Variants in PDYN observed in about 807,000 individuals in gnomAD.
PDYN encodes proenkephalin-B.
PDYN carries 5 observed loss-of-function variants against 11.4 expected under a neutral mutation model. The ratio of observed to expected loss-of-function variants is 0.44; its 90% CI spans 0.23 to 0.92. The LOEUF (loss-of-function observed/expected upper bound fraction) is 0.92. Among genes scored for constraint, PDYN ranks in the 40% least tolerant of loss-of-function variants. The pLI, the probability that PDYN is intolerant of heterozygous loss-of-function variation, is 0.24. For synonymous variants in PDYN, 132 were observed against 129.5 expected (o/e 1.02, Z -0.13); for missense variants, 337 against 317.3 (o/e 1.06, Z -0.47).
intron 2 of PDYN, among the ~76,000 whole-genome samples, chr20:1,989,229 G>A: frequency 6.6e-6 from 1 of 152,170 alleles, no homozygotes; most frequent in Non-Finnish European, 1.5e-5. Context: ...TTTCCTGATG[G>A]AAGAGGCAGG....
chr20:1,992,456 C>T (rs1341960806), intron 2 of PDYN, 128 bp downstream of exon 2: 2 of 152,384 alleles, frequency 1.3e-5, no homozygotes, highest in Non-Finnish European at 2.9e-5. Flanking sequence ...GTGACATCCC[C>T]CTCCCAGCTG....
intron 3 of PDYN, among the ~76,000 whole-genome samples, chr20:1,981,454 T>C (rs942676568): frequency 6.6e-6 from 1 of 152,072 alleles, no homozygotes; most frequent in African/African-American, 2.4e-5. Context: ...CATCACTTCA[T>C]AGGGCCATTG....
In PDYN at chr20:1,979,945, T is replaced by C. The variant is rs1259901450; in HGVS notation, c.*378A>G. ...AGAGGGGCATGTGATCTGTTAAGTT[T>C]GGACATCATAGACCTACAGGTACAA... On this transcript the variant is annotated 3_prime_UTR_variant, in exon 4 of 4. Transcript: ENST00000217305. 1 of 328,642 alleles carries C rather than the reference T, an allele frequency of 3.0e-6. No individual in the cohort carries two copies. The highest frequency in any genetic ancestry group is 5.8e-6 in the Non-Finnish European group (1 of 171,300). 20.4% of individuals were successfully genotyped at this position (328,642 alleles called of 1,614,324 possible).
intron 2 of PDYN, among the ~76,000 whole-genome samples, chr20:1,984,844 A>G (rs1362301847): frequency 6.6e-6 from 1 of 152,216 alleles, no homozygotes; most frequent in East Asian, 1.9e-4. Flanking sequence ...GGTTGCAGTG[A>G]GCAGAGATTG....
intron 3 of PDYN, among the ~76,000 whole-genome samples, chr20:1,982,695 C>T (rs1987900887): frequency 6.6e-6 from 1 of 152,194 alleles, no homozygotes; most frequent in Admixed American, 6.5e-5. Flanking sequence ...AATGACACTC[C>T]CTGTTGCCAG....
chr20:1,989,292 C>G (rs1988330004), intron 2 of PDYN, among the ~76,000 whole-genome samples: 1 of 152,150 alleles, frequency 6.6e-6, no homozygotes, highest in South Asian at 2.1e-4. Context: ...GCCTGGACTG[C>G]TCTCCTGGCA....
At chr20:1,990,489 T>C (rs994078806) in intron 2 of PDYN, among the ~76,000 whole-genome samples, 1 of 152,134 alleles carries the variant, frequency 6.6e-6, no homozygotes, top group African/African-American at 2.4e-5. Flanking sequence ...GAAAGACGAA[T>C]GATCAATGGG....
In PDYN at chr20:1,979,704, C is replaced by T. The variant is rs1297494263; in HGVS notation, c.*619G>A. ...CATTAAACCCACTAGAAGACTGGAC[C>T]CTCTACTGTAAGGGTTCCTGATCCA... On this transcript the variant is annotated 3_prime_UTR_variant, in exon 4 of 4. Coordinates refer to ENST00000217305, the MANE Select transcript of PDYN (RefSeq NM_024411.5). 1 of 161,412 alleles carries T rather than the reference C, an allele frequency of 6.2e-6. No individual in the cohort carries two copies. The highest frequency in any genetic ancestry group is 1.4e-5 in the Non-Finnish European group (1 of 72,782). The allele number at this position is 161,412 out of a possible 1,614,324, so 10.0% of individuals were successfully genotyped here.
At chr20:1,993,475 CATT>C (rs1403396507) in intron 1 of PDYN, among the ~76,000 whole-genome samples, 1 of 152,226 alleles carries the variant, frequency 6.6e-6, no homozygotes, top group Admixed American at 6.5e-5. Flanking sequence ...CCTTGGATCT[CATT>C]AATGTCCTCA....
At chr20:1,990,014 G>A (rs1435383606) in intron 2 of PDYN, among the ~76,000 whole-genome samples, 1 of 152,244 alleles carries the variant, frequency 6.6e-6, no homozygotes, top group Admixed American at 6.5e-5. Context: ...CGTGGTCACA[G>A]AGCATGGCAG....
chr20:1,990,588 TG>T (rs1259646060), intron 2 of PDYN, among the ~76,000 whole-genome samples: 2 of 152,126 alleles, frequency 1.3e-5, no homozygotes, highest in Non-Finnish European at 2.9e-5. Flanking sequence ...TCCCGTTTGG[TG>T]GTCGGCTGCA....
chr20:1,980,284 CAG>C lies in PDYN; in HGVS notation c.*37_*38del. On this transcript the variant is annotated 3_prime_UTR_variant, in exon 4 of 4. Coordinates refer to ENST00000217305, the MANE Select transcript of PDYN (RefSeq NM_024411.5). ...AATGCACTCCAACCTGAAAAGGTGT[CAG>C]GGGTTTCTCCTGACTCTACTCCATG... 6.2e-7 allele frequency: 1 copy of C among 1,608,296 alleles called. No homozygotes were observed. The highest frequency in any genetic ancestry group is 8.5e-7 in the Non-Finnish European group (1 of 1,175,110).
chr20:1,984,176 C>T (rs73571366), intron 2 of PDYN, among the ~76,000 whole-genome samples: 7,861 of 152,264 alleles, frequency 0.052, 589 homozygotes, highest in African/African-American at 0.17. Flanking sequence ...AATAGTCACT[C>T]TGTTCCTCAA....
intron 2 of PDYN, among the ~76,000 whole-genome samples, chr20:1,990,916 G>T (rs554552949): frequency 6.6e-6 from 1 of 151,406 alleles, no homozygotes; most frequent in East Asian, 1.9e-4. Flanking sequence ...CCGAGACACC[G>T]AGAAAAAGCA....
At chr20:1,982,068 C>T (rs1336178800) in intron 3 of PDYN, among the ~76,000 whole-genome samples, 1 of 151,618 alleles carries the variant, frequency 6.6e-6, no homozygotes, top group Non-Finnish European at 1.5e-5. Context: ...ACCAGCCTGG[C>T]CAGCATGGTG....
At chr20:1,989,883 C>T (rs928121003) in intron 2 of PDYN, among the ~76,000 whole-genome samples, 1 of 152,174 alleles carries the variant, frequency 6.6e-6, no homozygotes, top group Non-Finnish European at 1.5e-5. Context: ...AGGACTGAGA[C>T]GCTGTTCTGC....
rs201204862 is a variant in PDYN, at chr20:1,980,397, G to A, written c.691C>T (p.Arg231Trp). Residue 231 changes from arginine (R) to tryptophan (W), a missense_variant, in exon 4 of 4, where the codon CGG (arginine) becomes TGG (tryptophan). Coordinates refer to ENST00000217305, the MANE Select transcript of PDYN (RefSeq NM_024411.5). ...DNQKRYGGFLRRQFKVVTRSQ... is the reference protein window; with the variant it reads ...DNQKRYGGFLWRQFKVVTRSQ... ...CGAGTCACCACCTTGAACTGGCGCCGGAGAAAACCGCCATAGCGCTTCTGG... is the reference window on the plus strand; with the variant it reads ...CGAGTCACCACCTTGAACTGGCGCCAGAGAAAACCGCCATAGCGCTTCTGG... The A allele has an allele frequency of 1.3e-5, 21 of 1,614,004 alleles. No individual in the cohort carries two copies. The highest frequency in any genetic ancestry group is 1.6e-4 in the Middle Eastern group (1 of 6,084).
chr20:1,984,474 T>C (rs540247543), intron 2 of PDYN, among the ~76,000 whole-genome samples: 1 of 152,314 alleles, frequency 6.6e-6, no homozygotes, highest in South Asian at 2.1e-4. Context: ...AATAGAATGT[T>C]AGCTCCTTGG....
intron 2 of PDYN, among the ~76,000 whole-genome samples, chr20:1,991,599 G>A (rs1392753404): frequency 6.6e-6 from 1 of 152,226 alleles, no homozygotes; most frequent in Non-Finnish European, 1.5e-5. Context: ...AGTGAAACAG[G>A]TTTATCACTT....
Sources: gnomAD v4.1 joint callset for allele counts (sites outside exome capture counted in the v4.1 genomes callset) on GRCh38, gnomAD v4.1.1 for gene constraint, MANE v1.5 for transcripts, NCBI Gene and HGNC (gene_info 2026-07-23, HGNC 2026-07-21) for gene names.